The following NDUFS3 variants were observed in gnomAD, a reference collection of about 807,000 sequenced individuals.
NDUFS3 encodes NADH dehydrogenase [ubiquinone] iron-sulfur protein 3, mitochondrial.
A neutral mutation model predicts 30.8 loss-of-function variants in NDUFS3; 19 were observed. The observed-to-expected ratio is 0.62, with a 90% confidence interval of 0.43 to 0.91. NDUFS3 has a LOEUF of 0.91. NDUFS3 is among the 40% of genes least tolerant of loss of function. NDUFS3 has a pLI of 0.00. For synonymous variants in NDUFS3, 153 were observed against 135.8 expected (o/e 1.13, Z -0.88); for missense variants, 331 against 342.0 (o/e 0.97, Z 0.25).
At position 47,579,593 on chromosome 11, in the gene NDUFS3, C is replaced by A. The variant is rs1360159765; in HGVS notation, c.133+259C>A. 6.7e-6 allele frequency: 4 copies of A among 597,432 alleles called. No homozygotes were observed. The East Asian group carries it at 8.3e-5, about 12-fold the overall frequency. 37.0% of individuals were successfully genotyped at this position (597,432 alleles called of 1,614,324 possible). On this transcript the variant is annotated intron_variant, in intron 2 of 6. Transcript: ENST00000263774. ...AGCTCTTTGAAAGCAAGCAATATAA[C>A]CTTTAGGCCTCAGAGCCCTGTAATA...
intron 6 of NDUFS3, 86 bp downstream of exon 6, chr11:47,582,554 T>C (rs759459793): frequency 2.5e-6 from 4 of 1,600,682 alleles, no homozygotes; most frequent in Non-Finnish European, 3.4e-6. Context: ...AGAAATACGG[T>C]CTGTGGATTG....
intron 4 of NDUFS3, chr11:47,581,419 T>G: frequency 3.7e-6 from 1 of 267,874 alleles, no homozygotes; most frequent in Non-Finnish European, 7.3e-6. Flanking sequence ...CCTCCCAAAG[T>G]GCTGGGATTA....
At chr11:47,584,021 G>A (rs1392664765) in intron 6 of NDUFS3, among the ~76,000 whole-genome samples, 1 of 152,200 alleles carries the variant, frequency 6.6e-6, no homozygotes, top group Admixed American at 6.5e-5. Flanking sequence ...GTGGGTGGGT[G>A]AGCAGTCAGT....
At chr11:47,580,794 G>A in intron 3 of NDUFS3, 41 bp from the exon 4 acceptor site, 1 of 1,613,938 alleles carries the variant, frequency 6.2e-7, no homozygotes, top group Non-Finnish European at 8.5e-7. Context: ...TGTTCCCTCA[G>A]TAGCTCTTTG....
chr11:47,584,093 G>A (rs905499949), intron 6 of NDUFS3, among the ~76,000 whole-genome samples: 1 of 152,154 alleles, frequency 6.6e-6, no homozygotes, highest in African/African-American at 2.4e-5. Flanking sequence ...CAGGGCATGA[G>A]AGGTATCCTA....
Position 47,579,327 on chromosome 11 carries a change from CACGCGCCGT to C in NDUFS3, c.127_133+2del. On this transcript the variant is annotated splice_donor_variant and coding_sequence_variant, in exon 2 of 7. Transcript: ENST00000263774. LOFTEE classifies it high-confidence loss of function. ...TGAGGCGGGAGAGCGCCGGGGCCGA[CACGCGCCGT>C]GAGTATGTGCGGGCAGCGCTCTTCT... The C allele has an allele frequency of 6.2e-7, 1 of 1,613,852 alleles. No individual in the cohort carries two copies.
chr11:47,584,025 A>T (rs1389437707), intron 6 of NDUFS3, among the ~76,000 whole-genome samples: 3 of 152,208 alleles, frequency 2.0e-5, no homozygotes, highest in Admixed American at 1.3e-4. Flanking sequence ...GTGGGTGAGC[A>T]GTCAGTTCGG....
Position 47,582,164 on chromosome 11 carries a change from T to C in NDUFS3, c.458T>C (p.Ile153Thr), listed in dbSNP as rs540213433. ...ACCTACACAGATGAGCTGACGCCCATTGAGTCTGCTGTCTCTGTGTTCAAG... is the reference window on the plus strand; with the variant it reads ...ACCTACACAGATGAGCTGACGCCCACTGAGTCTGCTGTCTCTGTGTTCAAG... ...VKTYTDELTP[I>T]ESAVSVFKAA... Residue 153 changes from isoleucine to threonine, a missense_variant, in exon 5 of 7, where the codon ATT (isoleucine) becomes ACT (threonine). Coordinates refer to ENST00000263774, the MANE Select transcript of NDUFS3 (RefSeq NM_004551.3). The C allele has an allele frequency of 1.6e-5, 26 of 1,614,186 alleles. No homozygotes were observed. Among genetic ancestry groups the C allele is most frequent in the East Asian group, 6.7e-5 (3 of 44,878 alleles).
intron 2 of NDUFS3, among the ~76,000 whole-genome samples, chr11:47,580,085 A>G (rs1469479840): frequency 6.6e-6 from 1 of 151,850 alleles, no homozygotes. Flanking sequence ...TTAAGGAGAG[A>G]GAGAGTCTGT....
At chr11:47,583,091 T>C (rs774043121) in intron 6 of NDUFS3, among the ~76,000 whole-genome samples, 2 of 151,998 alleles carry the variant, frequency 1.3e-5, no homozygotes, top group Non-Finnish European at 2.9e-5. Context: ...TCTTGTCACC[T>C]AGGATGGAGT....
At chr11:47,580,025 ACAC>A (rs1460025708) in intron 2 of NDUFS3, among the ~76,000 whole-genome samples, 1 of 118,212 alleles carries the variant, frequency 8.5e-6, no homozygotes, top group Non-Finnish European at 1.7e-5. Flanking sequence ...ACACACACAC[ACAC>A]ACCTGGGCCT....
intron 4 of NDUFS3, chr11:47,581,864 G>C (rs1209201660): frequency 1.7e-6 from 1 of 595,744 alleles, no homozygotes. Flanking sequence ...AGGTAGCCTT[G>C]TGAGATGGAC....
intron 4 of NDUFS3, 144 bp from the exon 5 acceptor site, chr11:47,581,944 T>C: frequency 9.3e-7 from 1 of 1,079,696 alleles, no homozygotes; most frequent in South Asian, 1.3e-5. Context: ...AAGCTACAGC[T>C]GTGGCCTGGG....
intron 5 of NDUFS3, 38 bp downstream of exon 5, chr11:47,582,251 C>T (rs749615057): frequency 6.8e-6 from 11 of 1,614,102 alleles, no homozygotes; most frequent in Non-Finnish European, 1.7e-6. Context: ...CTCTGGGCCA[C>T]AGTTGCAGAA....
chr11:47,584,183 A>G, intron 6 of NDUFS3, 131 bp from the exon 7 acceptor site: 1 of 1,173,304 alleles, frequency 8.5e-7, no homozygotes, highest in East Asian at 2.3e-5. Context: ...TTACTGACAG[A>G]GGCTGGGACA....
At chr11:47,583,835 T>TGA (rs2097269882) in intron 6 of NDUFS3, among the ~76,000 whole-genome samples, 1 of 152,246 alleles carries the variant, frequency 6.6e-6, no homozygotes. Flanking sequence ...CCTTATCCAT[T>TGA]TGATCCCCAA....
intron 2 of NDUFS3, among the ~76,000 whole-genome samples, chr11:47,579,984 GACACACACACACACACAC>G (rs36201718): frequency 7.7e-4 from 107 of 139,392 alleles, no homozygotes; most frequent in African/African-American, 1.2e-3. Flanking sequence ...TTTTCTCATT[GACACACACACACACACAC>G]ACACACACAC....
chr11:47,581,393 G>A, intron 4 of NDUFS3: 1 of 277,096 alleles, frequency 3.6e-6, no homozygotes, highest in Non-Finnish European at 7.1e-6. Context: ...CTGACCTCGT[G>A]ATCTGCCTGC....
rs1448077403 is a variant in NDUFS3 at position 47,584,460 on chromosome 11, CAAG to C, written c.778_780del (p.Lys260del). ...AGAGTCTCAAGCTTGAAGCCGGAGA[CAAG>C]AAGCCTGATGCCAAGTAGCTCCAGG... On this transcript the variant is annotated inframe_deletion, in exon 7 of 7. Transcript: ENST00000263774. The C allele has an allele frequency of 6.2e-7, 1 of 1,614,134 alleles. No homozygotes were observed. The highest frequency in any genetic ancestry group is 2.2e-5 in the East Asian group (1 of 44,884).
Sources: allele counts gnomAD v4.1 joint callset (sites outside exome capture counted in the v4.1 genomes callset), GRCh38; gene constraint gnomAD v4.1.1; transcripts MANE v1.5; gene names NCBI Gene and HGNC (gene_info 2026-07-23, HGNC 2026-07-21).